Variants in SLC10A7 observed in about 807,000 individuals in gnomAD.
SLC10A7 encodes the protein solute carrier family 10 member 7.
Under a neutral mutation model 43.2 loss-of-function variants are expected in SLC10A7, and 29 were observed. The ratio of observed to expected loss-of-function variants is 0.67; its 90% CI spans 0.50 to 0.92. The LOEUF (loss-of-function observed/expected upper bound fraction) is 0.92, where lower values mean the gene tolerates loss of function less well. SLC10A7 is among the 40% of genes least tolerant of loss of function. The pLI is 0.00. For synonymous variants in SLC10A7, 152 were observed against 144.8 expected (o/e 1.05, Z -0.35); for missense variants, 295 against 403.2 (o/e 0.73, Z 2.30).
intron 4 of SLC10A7, among the ~76,000 whole-genome samples, chr4:146,444,837 C>T (rs888266534): frequency 6.6e-6 from 1 of 152,104 alleles, no homozygotes; most frequent in Non-Finnish European, 1.5e-5. Flanking sequence ...CTGAAGACCA[C>T]GTGAAATCAG....
At chr4:146,281,442 A>C (rs1371294488) in intron 10 of SLC10A7, among the ~76,000 whole-genome samples, 1 of 152,104 alleles carries the variant, frequency 6.6e-6, no homozygotes, top group Non-Finnish European at 1.5e-5. Flanking sequence ...ATAGAAAAAA[A>C]AAAAAGTGGG....
intron 5 of SLC10A7, among the ~76,000 whole-genome samples, chr4:146,330,805 C>T (rs1254777236): frequency 6.6e-6 from 1 of 152,086 alleles, no homozygotes; most frequent in African/African-American, 2.4e-5. Flanking sequence ...CAGAGAATCT[C>T]CCAGAGAGAA....
At chr4:146,354,312 C>G (rs1447610298) in intron 5 of SLC10A7, among the ~76,000 whole-genome samples, 7 of 152,094 alleles carry the variant, frequency 4.6e-5, no homozygotes, top group Admixed American at 1.3e-4. Flanking sequence ...AATAAAATAA[C>G]TAGGAATCCA....
chr4:146,476,382 T>C (rs1734032629), intron 4 of SLC10A7, among the ~76,000 whole-genome samples: 1 of 152,046 alleles, frequency 6.6e-6, no homozygotes, highest in African/African-American at 2.4e-5. Context: ...GCAAAATAAA[T>C]ACATTAAGAA....
intron 5 of SLC10A7, among the ~76,000 whole-genome samples, chr4:146,418,669 C>T (rs1443254635): frequency 6.6e-6 from 1 of 152,172 alleles, no homozygotes; most frequent in Non-Finnish European, 1.5e-5. Flanking sequence ...CTCGATACAA[C>T]ACTTCTGACA....
intron 4 of SLC10A7, among the ~76,000 whole-genome samples, chr4:146,449,087 G>A (rs1054164090): frequency 1.3e-5 from 2 of 152,122 alleles, no homozygotes; most frequent in Non-Finnish European, 2.9e-5. Flanking sequence ...TTTAGTGAGA[G>A]GACAAATTCC....
intron 4 of SLC10A7, among the ~76,000 whole-genome samples, chr4:146,486,307 CATA>C (rs1417127568): frequency 1.3e-5 from 2 of 152,164 alleles, no homozygotes; most frequent in East Asian, 1.9e-4. Flanking sequence ...ATAGCAATAA[CATA>C]ATGTTATTTC....
intron 4 of SLC10A7, among the ~76,000 whole-genome samples, chr4:146,468,974 G>A (rs926176899): frequency 9.2e-5 from 14 of 152,098 alleles, no homozygotes; most frequent in African/African-American, 3.4e-4. Context: ...CTTGTATGAA[G>A]AAGGTCTTCA....
At chr4:146,367,000 T>G (rs899722459) in intron 5 of SLC10A7, among the ~76,000 whole-genome samples, 1 of 150,264 alleles carries the variant, frequency 6.7e-6, no homozygotes, top group Non-Finnish European at 1.5e-5. Flanking sequence ...AAGTTTTTTG[T>G]TTTTTTGTTT....
chr4:146,293,850 G>T, intron 8 of SLC10A7, 80 bp downstream of exon 8: 1 of 868,774 alleles, frequency 1.2e-6, no homozygotes, highest in Non-Finnish European at 1.7e-6. Flanking sequence ...CACTAGACAT[G>T]AATTTAGAGA....
intron 1 of SLC10A7, among the ~76,000 whole-genome samples, chr4:146,519,806 A>G (rs779695289): frequency 4.6e-5 from 7 of 152,202 alleles, no homozygotes; most frequent in African/African-American, 7.2e-5. Context: ...CTGTAAAAGA[A>G]GCATGTTGGC....
At chr4:146,343,410 C>T (rs539834469) in intron 5 of SLC10A7, among the ~76,000 whole-genome samples, 6 of 152,184 alleles carry the variant, frequency 3.9e-5, no homozygotes, top group African/African-American at 1.2e-4. Context: ...CATCTGTGAC[C>T]TCTTAAGTCC....
At chr4:146,449,121 C>T (rs1388535358) in intron 4 of SLC10A7, among the ~76,000 whole-genome samples, 1 of 152,118 alleles carries the variant, frequency 6.6e-6, no homozygotes, top group East Asian at 1.9e-4. Flanking sequence ...ACAGGAGCAT[C>T]GGATACACCC....
At chr4:146,284,145 A>G (rs1729729400) in intron 9 of SLC10A7, among the ~76,000 whole-genome samples, 1 of 152,198 alleles carries the variant, frequency 6.6e-6, no homozygotes. Flanking sequence ...TTTAGAAACT[A>G]TTCTTTCCTG....
intron 5 of SLC10A7, among the ~76,000 whole-genome samples, chr4:146,419,906 T>C (rs980913643): frequency 2.0e-5 from 3 of 152,160 alleles, no homozygotes; most frequent in African/African-American, 7.2e-5. Context: ...ATCATTACTG[T>C]CTCTAAGTAC....
intron 9 of SLC10A7, among the ~76,000 whole-genome samples, chr4:146,284,757 T>G (rs2111126229): frequency 6.6e-6 from 1 of 152,346 alleles, no homozygotes; most frequent in East Asian, 1.9e-4. Flanking sequence ...TTTTAAACAT[T>G]GCATTACATG....
At chr4:146,502,652 A>T (rs1736530826) in intron 4 of SLC10A7, among the ~76,000 whole-genome samples, 1 of 152,252 alleles carries the variant, frequency 6.6e-6, no homozygotes, top group Non-Finnish European at 1.5e-5. Flanking sequence ...TTTGTAGTGT[A>T]TCTATACAAA....
chr4:146,487,307 T>C (rs1735006136), intron 4 of SLC10A7, among the ~76,000 whole-genome samples: 1 of 152,218 alleles, frequency 6.6e-6, no homozygotes, highest in Non-Finnish European at 1.5e-5. Flanking sequence ...TACACTCACC[T>C]GTTGTTTATG....
chr4:146,320,321 G>A (rs1044205874), intron 6 of SLC10A7, among the ~76,000 whole-genome samples: 8 of 151,932 alleles, frequency 5.3e-5, no homozygotes, highest in Non-Finnish European at 1.0e-4. Context: ...GATTGTTGAT[G>A]GTGTATGTAA....
Sources: gnomAD v4.1 joint callset for allele counts (sites outside exome capture counted in the v4.1 genomes callset) on GRCh38, gnomAD v4.1.1 for gene constraint, MANE v1.5 for transcripts, NCBI Gene and HGNC (gene_info 2026-07-23, HGNC 2026-07-21) for gene names.